GPC5: variants seen among roughly 807,000 people sequenced by gnomAD.
The protein encoded by GPC5 is glypican 5.
A neutral mutation model predicts 53.9 loss-of-function variants in GPC5; 47 were observed. That is an observed-to-expected ratio of 0.87 (90% CI 0.69 to 1.11). The LOEUF (loss-of-function observed/expected upper bound fraction) is 1.11, where lower values mean the gene tolerates loss of function less well. Ranked by LOEUF, GPC5 falls within the 50% of genes most tolerant of loss-of-function variation. The probability of loss-of-function intolerance (pLI) is 0.00; values close to 1 mark genes in which losing one functional copy is unlikely to be tolerated. For missense variants in GPC5, 748 were observed against 713.1 expected (o/e 1.05, Z -0.56); for synonymous variants, 286 against 263.3 (o/e 1.09, Z -0.84).
chr13:92,707,234 A>T (rs1433852946), intron 7 of GPC5, among the ~76,000 whole-genome samples: 1 of 152,158 alleles, frequency 6.6e-6, no homozygotes, highest in African/African-American at 2.4e-5. Flanking sequence ...CAGTCTCCTT[A>T]TTCTACTACC....
chr13:92,015,560 T>TA (rs1425853215), intron 6 of GPC5, among the ~76,000 whole-genome samples: 1 of 152,240 alleles, frequency 6.6e-6, no homozygotes, highest in African/African-American at 2.4e-5. Context: ...TTACTGTTTT[T>TA]ATTTGTTATT....
At position 92,051,499 on chromosome 13, in the gene GPC5, C is replaced by T. The variant is rs1035790098; in HGVS notation, c.1402-93331C>T. Among the ~76,000 whole-genome samples, 5 of 152,172 alleles carry T rather than the reference C, an allele frequency of 3.3e-5. No individual in the cohort carries two copies. The South Asian group carries it at 8.3e-4, about 25-fold the overall frequency. Reference sequence around the variant, plus strand: ...ACAGGCATGAGCTACTGCACCCGGACGAGACTGCATTTCTAACCAGTTGCC... The same window carrying T: ...ACAGGCATGAGCTACTGCACCCGGATGAGACTGCATTTCTAACCAGTTGCC... On this transcript the variant is annotated intron_variant, in intron 6 of 7. Transcript: ENST00000377067.
At chr13:92,172,921 TA>T (rs2042080839) in intron 7 of GPC5, among the ~76,000 whole-genome samples, 1 of 150,408 alleles carries the variant, frequency 6.6e-6, no homozygotes, top group East Asian at 2.0e-4. Context: ...AGGGTTTTTT[TA>T]ATTAAAAAAT....
intron 7 of GPC5, among the ~76,000 whole-genome samples, chr13:92,534,940 C>A (rs1229497972): frequency 6.6e-6 from 1 of 152,150 alleles, no homozygotes; most frequent in Non-Finnish European, 1.5e-5. Context: ...GTACTTCCAA[C>A]GATACCTATG....
At chr13:92,759,552 T>G (rs1420160811) in intron 7 of GPC5, among the ~76,000 whole-genome samples, 2 of 152,118 alleles carry the variant, frequency 1.3e-5, no homozygotes, top group African/African-American at 4.8e-5. Flanking sequence ...TAGATTTTTA[T>G]ATGTTGATTT....
chr13:92,238,543 T>C (rs1482446171), intron 7 of GPC5, among the ~76,000 whole-genome samples: 1 of 152,084 alleles, frequency 6.6e-6, no homozygotes, highest in Non-Finnish European at 1.5e-5. Flanking sequence ...TTTTAAAAAC[T>C]GGGTTATTTA....
intron 7 of GPC5, among the ~76,000 whole-genome samples, chr13:92,290,543 C>T (rs2042986509): frequency 6.6e-6 from 1 of 152,146 alleles, no homozygotes; most frequent in African/African-American, 2.4e-5. Flanking sequence ...GTCATTGCAT[C>T]TTCATAGCTT....
intron 2 of GPC5, among the ~76,000 whole-genome samples, chr13:91,617,800 G>A (rs979087780): frequency 6.6e-6 from 1 of 152,048 alleles, no homozygotes; most frequent in Admixed American, 6.6e-5. Context: ...TCTGTAAATG[G>A]CAAGATAGTA....
chr13:91,998,964 T>A (rs921378464), intron 6 of GPC5, among the ~76,000 whole-genome samples: 2 of 152,162 alleles, frequency 1.3e-5, no homozygotes, highest in East Asian at 3.8e-4. Context: ...CTTCCCTGAG[T>A]CTTTCTTACT....
At chr13:92,005,928 G>A (rs1259300046) in intron 6 of GPC5, among the ~76,000 whole-genome samples, 1 of 152,148 alleles carries the variant, frequency 6.6e-6, no homozygotes, top group Admixed American at 6.5e-5. Context: ...CAAGCTAGGA[G>A]CACTGTGTAT....
intron 7 of GPC5, among the ~76,000 whole-genome samples, chr13:92,307,964 ATTGT>A (rs2043121809): frequency 6.6e-6 from 1 of 152,130 alleles, no homozygotes; most frequent in Non-Finnish European, 1.5e-5. Context: ...TACATTTTTT[ATTGT>A]CAGATGGAGA....
chr13:92,426,386 C>T (rs1876835809), intron 7 of GPC5, among the ~76,000 whole-genome samples: 1 of 152,050 alleles, frequency 6.6e-6, no homozygotes, highest in African/African-American at 2.4e-5. Context: ...ATGACAGTGA[C>T]CTCCTCTGCT....
At chr13:91,956,338 G>A (rs1320081786) in intron 6 of GPC5, among the ~76,000 whole-genome samples, 2 of 152,110 alleles carry the variant, frequency 1.3e-5, no homozygotes, top group African/African-American at 4.8e-5. Flanking sequence ...TGGGCCTGGG[G>A]ACTGGCCTGC....
chr13:92,293,576 A>T (rs2043013191), intron 7 of GPC5, among the ~76,000 whole-genome samples: 1 of 151,884 alleles, frequency 6.6e-6, no homozygotes, highest in Non-Finnish European at 1.5e-5. Flanking sequence ...TTATTTTATC[A>T]GTTCTAGGAG....
intron 7 of GPC5, among the ~76,000 whole-genome samples, chr13:92,186,455 G>A (rs1255174418): frequency 6.6e-6 from 1 of 151,352 alleles, no homozygotes; most frequent in African/African-American, 2.4e-5. Flanking sequence ...GTAAATTTTG[G>A]CCAGAATGTA....
In GPC5 at chr13:92,043,992, T is replaced by C. The variant is rs547084057; in HGVS notation, c.1402-100838T>C. 1.1e-4 allele frequency among the ~76,000 whole-genome samples: 17 copies of C among 152,330 alleles called. No homozygotes were observed. The South Asian group carries it at 1.2e-3, about 11-fold the overall frequency. On this transcript the variant is annotated intron_variant, in intron 6 of 7. Transcript: ENST00000377067. ...TGTGTGCTTAAAATTTGACTTCTTC[T>C]TCTGGAATAATTATCAGTGCATAAC...
intron 7 of GPC5, among the ~76,000 whole-genome samples, chr13:92,332,598 C>T (rs1259047043): frequency 6.6e-6 from 1 of 152,058 alleles, no homozygotes. Context: ...AAGCAATCAA[C>T]ATATGTTAAT....
chr13:92,526,740 T>C (rs1881296369), intron 7 of GPC5, among the ~76,000 whole-genome samples: 1 of 151,892 alleles, frequency 6.6e-6, no homozygotes, highest in South Asian at 2.1e-4. Context: ...ATTTATATTA[T>C]TTTTATTATT....
At chr13:91,450,604 T>A (rs1238831817) in intron 2 of GPC5, among the ~76,000 whole-genome samples, 1 of 152,190 alleles carries the variant, frequency 6.6e-6, no homozygotes, top group African/African-American at 2.4e-5. Flanking sequence ...GTGATAACCA[T>A]CTCAGTAGTA....
Sources: allele counts gnomAD v4.1 joint callset (sites outside exome capture counted in the v4.1 genomes callset), GRCh38; gene constraint gnomAD v4.1.1; transcripts MANE v1.5; gene names NCBI Gene and HGNC (gene_info 2026-07-23, HGNC 2026-07-21).